GSG1L: variants seen among roughly 807,000 people sequenced by gnomAD.
The protein encoded by GSG1L is germ cell-specific gene 1-like protein.
In GSG1L, 24 loss-of-function variants were observed where a neutral mutation model predicts 42.1. The ratio of observed to expected loss-of-function variants is 0.57; its 90% CI spans 0.41 to 0.80. The LOEUF (loss-of-function observed/expected upper bound fraction) is 0.80, where lower values mean the gene tolerates loss of function less well. Ranked by LOEUF, GSG1L falls within the 30% of genes least tolerant of loss-of-function variation. The pLI is 0.00. For synonymous variants in GSG1L, 215 were observed against 203.5 expected (o/e 1.06, Z -0.48); for missense variants, 445 against 472.2 (o/e 0.94, Z 0.53).
intron 2 of GSG1L, among the ~76,000 whole-genome samples, chr16:27,924,366 G>GAA (rs1203431794): frequency 6.6e-6 from 1 of 152,088 alleles, no homozygotes; most frequent in Non-Finnish European, 1.5e-5. Context: ...AAGAGAGAGA[G>GAA]AAATGAACAA....
chr16:27,863,484 T>C (rs2083679535), intron 3 of GSG1L: 1 of 152,242 alleles, frequency 6.6e-6, no homozygotes. Flanking sequence ...AGTGTGCCTC[T>C]TGTATGGTTG....
At chr16:27,963,285 C>CT in intron 1 of GSG1L, 82 bp from the exon 2 acceptor site, 1 of 1,196,054 alleles carries the variant, frequency 8.4e-7, no homozygotes, top group South Asian at 1.3e-5. Context: ...CCCATGAGCC[C>CT]TGGAGCAAGC....
chr16:27,926,832 T>G, intron 2 of GSG1L, among the ~76,000 whole-genome samples: 1 of 152,176 alleles, frequency 6.6e-6, no homozygotes. Flanking sequence ...CTGATGACAA[T>G]TAAGTGTCCA....
At chr16:27,917,936 G>C (rs1439410162) in intron 2 of GSG1L, among the ~76,000 whole-genome samples, 1 of 151,534 alleles carries the variant, frequency 6.6e-6, no homozygotes, top group Non-Finnish European at 1.5e-5. Context: ...CCAGCTCTTG[G>C]GACCAAAAAA....
intron 3 of GSG1L, among the ~76,000 whole-genome samples, chr16:27,847,219 C>T (rs535255646): frequency 6.6e-6 from 1 of 152,292 alleles, no homozygotes; most frequent in East Asian, 1.9e-4. Flanking sequence ...GTAAATCTCT[C>T]CTTGTGGTTT....
At chr16:27,851,467 A>T (rs985163704) in intron 3 of GSG1L, among the ~76,000 whole-genome samples, 5 of 152,038 alleles carry the variant, frequency 3.3e-5, no homozygotes, top group African/African-American at 9.7e-5. Flanking sequence ...AAGTGCCGGG[A>T]TCCAAGCAGG....
At chr16:27,841,413 C>T (rs888785398) in intron 4 of GSG1L, among the ~76,000 whole-genome samples, 2 of 152,208 alleles carry the variant, frequency 1.3e-5, no homozygotes, top group Non-Finnish European at 2.9e-5. Flanking sequence ...GGCACTCAAC[C>T]GGCTTTGAGC....
intron 1 of GSG1L, among the ~76,000 whole-genome samples, chr16:27,993,770 C>T (rs538494432): frequency 3.3e-5 from 5 of 152,246 alleles, no homozygotes; most frequent in South Asian, 4.2e-4. Flanking sequence ...TGCCCACAGC[C>T]GCACAGATAA....
chr16:27,944,209 C>G (rs968664757), intron 2 of GSG1L, among the ~76,000 whole-genome samples: 3 of 151,996 alleles, frequency 2.0e-5, no homozygotes, highest in Non-Finnish European at 4.4e-5. Context: ...ATGTTATGCA[C>G]CTTGCTGCAT....
chr16:27,945,926 G>A (rs754674072), intron 2 of GSG1L, among the ~76,000 whole-genome samples: 13 of 152,236 alleles, frequency 8.5e-5, no homozygotes, highest in Non-Finnish European at 1.9e-4. Flanking sequence ...GATGAGCAGA[G>A]GGTAACTCGG....
chr16:28,025,677 G>C (rs1490285813), intron 1 of GSG1L, among the ~76,000 whole-genome samples: 2 of 152,242 alleles, frequency 1.3e-5, no homozygotes, highest in Non-Finnish European at 2.9e-5. Flanking sequence ...ATGAGCAAGA[G>C]AGAGCCGGGC....
At chr16:27,827,165 G>A (rs1198037304) in intron 5 of GSG1L, among the ~76,000 whole-genome samples, 1 of 152,182 alleles carries the variant, frequency 6.6e-6, no homozygotes, top group African/African-American at 2.4e-5. Flanking sequence ...TGGGCACAGG[G>A]CCTGGCACAT....
intron 2 of GSG1L, among the ~76,000 whole-genome samples, chr16:27,939,158 G>A (rs537301172): frequency 9.2e-5 from 14 of 151,726 alleles, no homozygotes; most frequent in Admixed American, 2.6e-4. Context: ...GTTTCGCTCC[G>A]TCACCCAGGC....
chr16:27,995,374 C>T lies in GSG1L; in HGVS notation c.350-32171G>A, dbSNP rs573019680. On this transcript the variant is annotated intron_variant, in intron 1 of 6. Coordinates refer to ENST00000447459, the MANE Select transcript of GSG1L (RefSeq NM_001109763.2). ...AGAATGGAGAAATCATAATAAAACC[C>T]CACGGTGGGTAAAGAATCTATGTAA... Among the ~76,000 whole-genome samples, 305 of 152,192 alleles carry T rather than the reference C, an allele frequency of 2.0e-3. 1 individual carries two copies. Among genetic ancestry groups the T allele is most frequent in the African/African-American group, 7.2e-3 (299 of 41,532 alleles).
At chr16:27,928,203 G>A (rs1460435696) in intron 2 of GSG1L, among the ~76,000 whole-genome samples, 8 of 152,180 alleles carry the variant, frequency 5.3e-5, no homozygotes, top group African/African-American at 1.9e-4. Flanking sequence ...ACCCTATCAG[G>A]TAGGAATTCC....
intron 1 of GSG1L, among the ~76,000 whole-genome samples, chr16:28,015,407 A>T (rs1018277751): frequency 2.6e-5 from 4 of 152,222 alleles, no homozygotes; most frequent in Non-Finnish European, 5.9e-5. Context: ...CAAAAGGCTG[A>T]GGTGGAAGGA....
chr16:27,967,924 A>G (rs2085153386), intron 1 of GSG1L, among the ~76,000 whole-genome samples: 1 of 152,164 alleles, frequency 6.6e-6, no homozygotes, highest in Non-Finnish European at 1.5e-5. Flanking sequence ...AAAAAATATA[A>G]TATAATATAA....
chr16:27,950,859 T>C (rs11074887), intron 2 of GSG1L, among the ~76,000 whole-genome samples: 89,102 of 151,928 alleles, frequency 0.59, 26,308 homozygotes, highest in Middle Eastern at 0.68. Flanking sequence ...AGGAATTGCA[T>C]TCTGTCTTCG....
intron 2 of GSG1L, among the ~76,000 whole-genome samples, chr16:27,905,471 A>G (rs2084310252): frequency 6.6e-6 from 1 of 152,020 alleles, no homozygotes; most frequent in Admixed American, 6.6e-5. Context: ...GGCATGTGTC[A>G]TGCTGCCTGG....
Sources: gnomAD v4.1 joint callset for allele counts (sites outside exome capture counted in the v4.1 genomes callset) on GRCh38, gnomAD v4.1.1 for gene constraint, MANE v1.5 for transcripts, NCBI Gene and HGNC (gene_info 2026-07-23, HGNC 2026-07-21) for gene names.